Variants in ATG7 observed in about 807,000 individuals in gnomAD.
ATG7 encodes the protein ubiquitin-like modifier-activating enzyme ATG7.
ATG7 carries 70 observed loss-of-function variants against 82.4 expected under a neutral mutation model. The observed-to-expected ratio is 0.85, with a 90% CI of 0.70 to 1.04. ATG7 has a LOEUF of 1.04. Among genes scored for constraint, ATG7 ranks in the 50% least tolerant of loss-of-function variants. ATG7 has a pLI of 0.00. For synonymous variants in ATG7, 287 were observed against 313.0 expected, an observed-to-expected ratio of 0.92 and a Z score of 0.88; for missense variants, 792 against 864.3, an observed-to-expected ratio of 0.92 and a Z score of 1.05.
chr3:11,310,634 GTTT>G (rs1210766518), intron 7 of ATG7, among the ~76,000 whole-genome samples: 3 of 142,108 alleles, frequency 2.1e-5, no homozygotes, highest in Admixed American at 7.1e-5. Flanking sequence ...TAATTCTGTA[GTTT>G]TTTTTTTTTT....
At chr3:11,516,372 C>G (rs1324859977) in intron 20 of ATG7, among the ~76,000 whole-genome samples, 2 of 152,078 alleles carry the variant, frequency 1.3e-5, no homozygotes, top group African/African-American at 4.8e-5. Context: ...TGTTCCACAT[C>G]ATATGCCCAT....
intron 19 of ATG7, among the ~76,000 whole-genome samples, chr3:11,422,865 T>C (rs544140357): frequency 3.2e-4 from 48 of 149,388 alleles, no homozygotes; most frequent in African/African-American, 1.2e-3. Context: ...AGTGATTCTC[T>C]TGCCTCAGCT....
intron 19 of ATG7, among the ~76,000 whole-genome samples, chr3:11,401,229 G>A (rs2079806406): frequency 6.6e-6 from 1 of 152,164 alleles, no homozygotes; most frequent in African/African-American, 2.4e-5. Context: ...CTCAAGTTTT[G>A]ATAAACCACT....
chr3:11,350,743 G>C (rs1053649886), intron 14 of ATG7, among the ~76,000 whole-genome samples: 5 of 152,014 alleles, frequency 3.3e-5, no homozygotes, highest in African/African-American at 9.7e-5. Flanking sequence ...GTTGCAAAGA[G>C]TGAGGATATA....
At position 11,395,865 on chromosome 3, in the gene ATG7, A is replaced by G. The variant is rs1486787276; in HGVS notation, c.1956+15813A>G. Among the ~76,000 whole-genome samples, 7 of 142,456 alleles carry G rather than the reference A, an allele frequency of 4.9e-5. No homozygotes were observed. In the East Asian group the frequency reaches 9.2e-4, roughly 19 times the overall value. 93.5% of individuals were successfully genotyped at this position (142,456 alleles called of 152,430 possible). A position where few individuals can be genotyped will look rare whatever the true frequency, so the allele number is the denominator to read the frequency against. ...TGAGGCAGGAGAATGGCGTGAACCG[A>G]GGAGGCGGAGCTCGCAGTGAGCGGA... On this transcript the variant is annotated intron_variant, in intron 19 of 20. Transcript: ENST00000693202.
intron 3 of ATG7, among the ~76,000 whole-genome samples, chr3:11,295,757 C>T (rs1945770973): frequency 7.7e-6 from 1 of 129,420 alleles, no homozygotes; most frequent in Non-Finnish European, 1.7e-5. Flanking sequence ...TTTACTGGTT[C>T]TATTTCTTTC....
chr3:11,575,550 CG>C, the ATG7 span, among the ~76,000 whole-genome samples: 3 of 152,176 alleles, frequency 2.0e-5, no homozygotes, highest in Admixed American at 6.5e-5. Flanking sequence ...GTGCAAGGGA[CG>C]GAAGACACTT....
intron 18 of ATG7, among the ~76,000 whole-genome samples, chr3:11,373,660 C>T (rs2077191249): frequency 6.6e-6 from 1 of 152,308 alleles, no homozygotes; most frequent in Non-Finnish European, 1.5e-5. Context: ...AAGCAAAGGA[C>T]AAATCTTTTT....
chr3:11,573,455 T>G, the ATG7 span, among the ~76,000 whole-genome samples: 1 of 152,154 alleles, frequency 6.6e-6, no homozygotes, highest in East Asian at 1.9e-4. Context: ...GGACAGGGCT[T>G]CTGACATTCT....
At chr3:11,421,316 T>C (rs531176701) in intron 19 of ATG7, among the ~76,000 whole-genome samples, 3 of 152,214 alleles carry the variant, frequency 2.0e-5, no homozygotes, top group African/African-American at 7.2e-5. Flanking sequence ...AGAACGTCTT[T>C]AAAAATTGGA....
chr3:11,391,890 AC>A (rs2078829577), intron 19 of ATG7, among the ~76,000 whole-genome samples: 1 of 144,196 alleles, frequency 6.9e-6, no homozygotes, highest in African/African-American at 2.5e-5. Flanking sequence ...TCACTTTTCT[AC>A]CATATTAATC....
intron 9 of ATG7, among the ~76,000 whole-genome samples, chr3:11,316,528 C>T (rs993235827): frequency 6.6e-6 from 1 of 152,148 alleles, no homozygotes; most frequent in Non-Finnish European, 1.5e-5. Context: ...ATGATCTATC[C>T]CTATCTGAAG....
chr3:11,561,856 A>C (rs1224995387), downstream of ATG7, among the ~76,000 whole-genome samples: 1 of 138,606 alleles, frequency 7.2e-6, no homozygotes, highest in Non-Finnish European at 1.5e-5. Flanking sequence ...CACCTCTCCT[A>C]TCTGAAAGCA....
At chr3:11,422,127 A>G (rs924229043) in intron 19 of ATG7, among the ~76,000 whole-genome samples, 3 of 152,226 alleles carry the variant, frequency 2.0e-5, no homozygotes, top group Non-Finnish European at 4.4e-5. Context: ...ATTGGCTTCA[A>G]CTTAAAAGTC....
intron 20 of ATG7, among the ~76,000 whole-genome samples, chr3:11,539,951 G>A (rs901190730): frequency 6.6e-6 from 1 of 152,178 alleles, no homozygotes; most frequent in East Asian, 1.9e-4. Flanking sequence ...GAGTGTACCA[G>A]AATTGTTTAC....
intron 19 of ATG7, among the ~76,000 whole-genome samples, chr3:11,407,605 G>T (rs2080471241): frequency 6.6e-6 from 1 of 152,218 alleles, no homozygotes; most frequent in African/African-American, 2.4e-5. Context: ...TTCAGCCTGG[G>T]CATCCAGGTG....
intron 20 of ATG7, among the ~76,000 whole-genome samples, chr3:11,504,304 G>A (rs183916518): frequency 2.0e-5 from 3 of 152,224 alleles, no homozygotes; most frequent in South Asian, 4.2e-4. Context: ...AAGCCAAACC[G>A]CTCATTGAAT....
intron 13 of ATG7, among the ~76,000 whole-genome samples, chr3:11,343,172 G>A (rs1178963390): frequency 4.6e-5 from 7 of 152,038 alleles, no homozygotes; most frequent in Non-Finnish European, 7.4e-5. Context: ...CAAGTGATCC[G>A]CCTGCCTTGG....
At chr3:11,315,552 T>A in intron 9 of ATG7, 59 bp downstream of exon 9, 1 of 1,414,632 alleles carries the variant, frequency 7.1e-7, no homozygotes. Flanking sequence ...CTGAAGTTCA[T>A]GTTACAAGAG....
Sources: gnomAD v4.1 joint callset for allele counts (sites outside exome capture counted in the v4.1 genomes callset) on GRCh38, gnomAD v4.1.1 for gene constraint, MANE v1.5 for transcripts, NCBI Gene and HGNC (gene_info 2026-07-23, HGNC 2026-07-21) for gene names.